Variants in WDR7 observed in about 807,000 individuals in gnomAD.
WDR7 encodes WD repeat domain 7.
In WDR7, 46 loss-of-function variants were observed where a neutral mutation model predicts 169.4. The ratio of observed to expected loss-of-function variants is 0.27; its 90% CI spans 0.21 to 0.35. The LOEUF (loss-of-function observed/expected upper bound fraction) is 0.35. WDR7 is among the 10% of genes least tolerant of loss of function. The probability of loss-of-function intolerance (pLI) is 1.00; values close to 1 mark genes in which losing one functional copy is unlikely to be tolerated. For missense variants in WDR7, 1,534 were observed against 1,859.3 expected, an observed-to-expected ratio of 0.83 and a Z score of 3.22; for synonymous variants, 612 against 666.8, an observed-to-expected ratio of 0.92 and a Z score of 1.27.
chr18:57,035,446 T>C, the WDR7 span: 32,086 of 152,232 alleles, frequency 0.21, 3,796 homozygotes, highest in Non-Finnish European at 0.27. Flanking sequence ...TAAGAAGAAA[T>C]GTCAGAACTG....
At chr18:56,791,123 A>G (rs2044478552) in intron 19 of WDR7, among the ~76,000 whole-genome samples, 1 of 152,170 alleles carries the variant, frequency 6.6e-6, no homozygotes, top group South Asian at 2.1e-4. Flanking sequence ...GTCAATGTCC[A>G]TGCTATAATC....
At chr18:56,814,492 C>A (rs2044929759) in intron 19 of WDR7, among the ~76,000 whole-genome samples, 1 of 152,010 alleles carries the variant, frequency 6.6e-6, no homozygotes, top group Non-Finnish European at 1.5e-5. Flanking sequence ...TGATAGCTAT[C>A]TTTAATAAAG....
chr18:56,812,083 T>C (rs1210930139), intron 19 of WDR7, among the ~76,000 whole-genome samples: 1 of 152,200 alleles, frequency 6.6e-6, no homozygotes, highest in Non-Finnish European at 1.5e-5. Context: ...TTTTGAATCT[T>C]CCGATTCCAT....
In WDR7 at chr18:57,014,602, A is replaced by T. The variant is rs145603635; in HGVS notation, c.4165-6143A>T. On this transcript the variant is annotated intron_variant, in intron 26 of 27. Coordinates refer to ENST00000254442, the MANE Select transcript of WDR7 (RefSeq NM_015285.3). ...AACCTGAGATGCGGAGGTTGCAGTG[A>T]GCCGAGATCGCGCCATTGCACTCCA... 1.2e-3 allele frequency among the ~76,000 whole-genome samples: 189 copies of T among 152,174 alleles called. 3 individuals carry two copies. The East Asian group carries it at 0.035, about 28-fold the overall frequency.
chr18:57,023,579 T>C (rs914974264), intron 27 of WDR7, among the ~76,000 whole-genome samples: 1 of 152,230 alleles, frequency 6.6e-6, no homozygotes, highest in Non-Finnish European at 1.5e-5. Flanking sequence ...TTGTGAAGCG[T>C]TTATTTTTGA....
chr18:56,805,297 T>C (rs1315322745), intron 19 of WDR7, among the ~76,000 whole-genome samples: 2 of 152,158 alleles, frequency 1.3e-5, no homozygotes, highest in African/African-American at 2.4e-5. Context: ...GTAACTAACA[T>C]GATGTAACTA....
intron 22 of WDR7, among the ~76,000 whole-genome samples, chr18:56,928,762 A>T (rs1205161886): frequency 6.6e-6 from 1 of 152,174 alleles, no homozygotes; most frequent in Admixed American, 6.5e-5. Flanking sequence ...CACTTTGCAG[A>T]TGAGAAAAAA....
intron 17 of WDR7, among the ~76,000 whole-genome samples, chr18:56,778,114 T>G (rs1017158456): frequency 3.9e-5 from 6 of 152,188 alleles, no homozygotes; most frequent in Non-Finnish European, 5.9e-5. Context: ...AGTTATAATC[T>G]AAAATGTGTT....
chr18:56,792,802 G>T (rs1290079618), intron 19 of WDR7, among the ~76,000 whole-genome samples: 2 of 147,296 alleles, frequency 1.4e-5, no homozygotes, highest in Admixed American at 1.3e-4. Context: ...AGACACACAT[G>T]CACACATACC....
Position 57,029,521 on chromosome 18 carries a change from C to T in WDR7, c.*2314C>T, listed in dbSNP as rs1276722733. On this transcript the variant is annotated 3_prime_UTR_variant, in exon 28 of 28. Coordinates refer to ENST00000254442, the MANE Select transcript of WDR7 (RefSeq NM_015285.3). ...AACTCTGCATTGTCATCCCAGCGTA[C>T]ACCTTTAATGTTTTATTGATTTCAC... is the stretch of plus-strand genomic sequence containing the variant. 6.6e-6 allele frequency: 1 copy of T among 152,170 alleles called. No individual in the cohort carries two copies. Among genetic ancestry groups the T allele is most frequent in the South Asian group, 2.1e-4 (1 of 4,826 alleles). 9.4% of individuals were successfully genotyped at this position (152,170 alleles called of 1,614,324 possible).
chr18:56,824,096 C>G (rs984536582), intron 20 of WDR7, among the ~76,000 whole-genome samples: 1 of 152,186 alleles, frequency 6.6e-6, no homozygotes, highest in African/African-American at 2.4e-5. Flanking sequence ...ATGTCATCAG[C>G]TAAAGCAGTA....
At chr18:56,938,725 T>A in intron 24 of WDR7, 43 bp downstream of exon 24, 1 of 1,603,688 alleles carries the variant, frequency 6.2e-7, no homozygotes, top group South Asian at 1.1e-5. Context: ...CAACCTAAAT[T>A]AAATATTCTA....
At chr18:56,767,108 A>G (rs920401292) in intron 16 of WDR7, among the ~76,000 whole-genome samples, 1 of 152,212 alleles carries the variant, frequency 6.6e-6, no homozygotes, top group Admixed American at 6.5e-5. Flanking sequence ...CAGTGCTCTA[A>G]GATGAATTAC....
chr18:56,788,566 T>G (rs1232514878), intron 19 of WDR7, among the ~76,000 whole-genome samples: 1 of 152,184 alleles, frequency 6.6e-6, no homozygotes, highest in Non-Finnish European at 1.5e-5. Context: ...AAGCACCCTG[T>G]GCTGTCCCTC....
At chr18:57,017,298 G>C (rs114365929) in intron 26 of WDR7, among the ~76,000 whole-genome samples, 2,290 of 152,294 alleles carry the variant, frequency 0.015, 72 homozygotes, top group African/African-American at 0.052. Flanking sequence ...CTGCTTGAGC[G>C]GTGCTTGCTC....
chr18:57,008,534 C>T (rs1051240833), intron 26 of WDR7, among the ~76,000 whole-genome samples: 1 of 152,158 alleles, frequency 6.6e-6, no homozygotes, highest in African/African-American at 2.4e-5. Flanking sequence ...GAGTGCTGGC[C>T]GTTTTCTTGG....
chr18:56,721,771 T>C (rs1332191811), intron 13 of WDR7: 1 of 152,210 alleles, frequency 6.6e-6, no homozygotes, highest in Non-Finnish European at 1.5e-5. Flanking sequence ...TACAAAATGT[T>C]CTTCTTATCT....
At chr18:56,875,304 G>A (rs1208486376) in intron 20 of WDR7, among the ~76,000 whole-genome samples, 3 of 152,072 alleles carry the variant, frequency 2.0e-5, no homozygotes, top group Non-Finnish European at 4.4e-5. Flanking sequence ...CACTTCCCGT[G>A]TCTTCTGTTT....
intron 20 of WDR7, among the ~76,000 whole-genome samples, chr18:56,837,330 A>G (rs2045411027): frequency 6.6e-6 from 1 of 152,210 alleles, no homozygotes; most frequent in South Asian, 2.1e-4. Flanking sequence ...AATGGCTGAC[A>G]TTTTCAAAAT....
Sources: gnomAD v4.1 joint callset for allele counts (sites outside exome capture counted in the v4.1 genomes callset) on GRCh38, gnomAD v4.1.1 for gene constraint, MANE v1.5 for transcripts, NCBI Gene and HGNC (gene_info 2026-07-23, HGNC 2026-07-21) for gene names.